Variants in DAG1 observed in about 807,000 individuals in gnomAD.
The protein encoded by DAG1 is dystroglycan 1.
A neutral mutation model predicts 46.1 loss-of-function variants in DAG1; 8 were observed. That is an observed-to-expected ratio of 0.17 (90% CI 0.10 to 0.31). The LOEUF is 0.31. Among genes scored for constraint, DAG1 ranks in the 10% least tolerant of loss-of-function variants. DAG1 has a pLI of 1.00. For synonymous variants in DAG1, 495 were observed against 481.8 expected (o/e 1.03, Z -0.36); for missense variants, 1,003 against 1,189.9 (o/e 0.84, Z 2.31).
At chr3:49,520,493 G>C (rs569799888) in intron 2 of DAG1, among the ~76,000 whole-genome samples, 2 of 152,226 alleles carry the variant, frequency 1.3e-5, no homozygotes, top group Non-Finnish European at 1.5e-5. Flanking sequence ...CTAGGGATGA[G>C]GGAGCTGAAA....
At chr3:49,480,557 A>T (rs555223260) in intron 1 of DAG1, among the ~76,000 whole-genome samples, 4,970 of 118,394 alleles carry the variant, frequency 0.042, 264 homozygotes, top group Non-Finnish European at 0.074. Context: ...CCTCCCAAAG[A>T]GCTGGGATTA....
chr3:49,499,039 A>G (rs2107494663), intron 1 of DAG1, among the ~76,000 whole-genome samples: 1 of 152,314 alleles, frequency 6.6e-6, no homozygotes, highest in South Asian at 2.1e-4. Flanking sequence ...GACTGTGGCA[A>G]ATGATAGCAA....
intron 1 of DAG1, among the ~76,000 whole-genome samples, chr3:49,483,553 G>A (rs538432996): frequency 3.3e-5 from 5 of 152,118 alleles, no homozygotes; most frequent in Middle Eastern, 6.8e-3. Context: ...ATACGTTGCC[G>A]TCTAGGATTT....
intron 1 of DAG1, among the ~76,000 whole-genome samples, chr3:49,499,428 A>AAT (rs988464039): frequency 1.1e-4 from 16 of 152,262 alleles, no homozygotes; most frequent in Admixed American, 2.0e-4. Flanking sequence ...GGTACTTAAA[A>AAT]ATATATATAT....
In DAG1 at chr3:49,531,598, C is replaced by T. The variant is rs758190062; in HGVS notation, c.1087C>T (p.Pro363Ser). Residue 363 changes from proline (P) to serine (S), a missense_variant, in exon 3 of 3, where the codon CCT becomes TCT. Transcript: ENST00000308775. This position sits in a 1 kb window ranked among gnomAD's most constrained non-coding sequence, Gnocchi z 7.0. The part of the protein sequence containing the change: ...TMAPPVRDPV[P>S]GKPTVTIRTR... ...GGCTCCTCCAGTCAGGGATCCTGTT[C>T]CTGGGAAACCCACGGTCACCATCCG... The T allele has an allele frequency of 6.2e-7, 1 of 1,613,110 alleles. No homozygotes were observed. Among genetic ancestry groups the T allele is most frequent in the African/African-American group, 1.3e-5 (1 of 74,988 alleles).
At chr3:49,529,437 C>G (rs2051282995) in intron 2 of DAG1, among the ~76,000 whole-genome samples, 1 of 152,194 alleles carries the variant, frequency 6.6e-6, no homozygotes, top group African/African-American at 2.4e-5. Context: ...CACCTGGGTA[C>G]AAGCCTGGGG....
At chr3:49,486,465 G>A (rs1370272201) in intron 1 of DAG1, among the ~76,000 whole-genome samples, 1 of 151,332 alleles carries the variant, frequency 6.6e-6, no homozygotes, top group Non-Finnish European at 1.5e-5. Flanking sequence ...TGATCCTCCT[G>A]CCTCAGTATC....
At chr3:49,491,569 C>T (rs1484259852) in intron 1 of DAG1, among the ~76,000 whole-genome samples, 9 of 150,940 alleles carry the variant, frequency 6.0e-5, no homozygotes, top group Admixed American at 1.3e-4. Flanking sequence ...CTCTGCCTCC[C>T]GGGTTCACGC....
chr3:49,486,185 CTTTTATTTATTT>C (rs1048091393), intron 1 of DAG1, among the ~76,000 whole-genome samples: 1 of 141,478 alleles, frequency 7.1e-6, no homozygotes, highest in African/African-American at 2.7e-5. Flanking sequence ...TTTTCTTTTT[CTTTTATTTATTT>C]ATTTATTTAT....
At chr3:49,520,966 C>T (rs1189921981) in intron 2 of DAG1, among the ~76,000 whole-genome samples, 2 of 151,986 alleles carry the variant, frequency 1.3e-5, no homozygotes, top group African/African-American at 4.8e-5. Context: ...CTAGAGAGAG[C>T]CTAATTCTTC....
intron 1 of DAG1, among the ~76,000 whole-genome samples, chr3:49,507,874 A>G (rs1475732078): frequency 1.3e-5 from 2 of 151,970 alleles, no homozygotes; most frequent in Non-Finnish European, 2.9e-5. Flanking sequence ...ATTATATCAT[A>G]TTGGATGAGT....
chr3:49,478,228 C>G (rs867823317), intron 1 of DAG1, among the ~76,000 whole-genome samples: 5 of 142,238 alleles, frequency 3.5e-5, no homozygotes, highest in Non-Finnish European at 7.5e-5. Context: ...GAGCCGAGAT[C>G]GTGCTGTTGC....
intron 1 of DAG1, among the ~76,000 whole-genome samples, chr3:49,506,903 A>C (rs191294558): frequency 6.6e-6 from 1 of 151,916 alleles, no homozygotes; most frequent in Admixed American, 6.6e-5. Context: ...GCTTGAGCCC[A>C]GGAGTTCAAA....
chr3:49,521,092 G>A (rs1390820564), intron 2 of DAG1, among the ~76,000 whole-genome samples: 1 of 151,946 alleles, frequency 6.6e-6, no homozygotes, highest in East Asian at 1.9e-4. Flanking sequence ...GGTGTGGAAT[G>A]GTACTGGCTT....
intron 2 of DAG1, 21 bp from the exon 3 acceptor site, chr3:49,530,776 T>A: frequency 6.2e-7 from 1 of 1,614,180 alleles, no homozygotes; most frequent in Non-Finnish European, 8.5e-7. Context: ...TATTTTTAAT[T>A]TATGCTTGTG....
intron 2 of DAG1, among the ~76,000 whole-genome samples, chr3:49,515,792 A>G (rs1199016586): frequency 6.6e-6 from 1 of 152,046 alleles, no homozygotes; most frequent in African/African-American, 2.4e-5. Flanking sequence ...CCTTCATCCA[A>G]GCTACTGCTT....
At chr3:49,478,529 T>TG (rs1023316718) in intron 1 of DAG1, among the ~76,000 whole-genome samples, 1 of 120,928 alleles carries the variant, frequency 8.3e-6, no homozygotes, top group African/African-American at 2.9e-5. Context: ...GCCCAAGAGT[T>TG]TTTTTTTTTT....
chr3:49,514,612 A>G (rs889618844), intron 2 of DAG1, among the ~76,000 whole-genome samples: 5 of 152,020 alleles, frequency 3.3e-5, no homozygotes, highest in Admixed American at 6.6e-5. Flanking sequence ...CTGGGACTAC[A>G]GGCATGCGCT....
chr3:49,497,700 T>C (rs777569289), intron 1 of DAG1, among the ~76,000 whole-genome samples: 13 of 152,222 alleles, frequency 8.5e-5, no homozygotes, highest in African/African-American at 2.9e-4. Flanking sequence ...AAGTCAAGTA[T>C]ACTGTTCGGT....
Sources: gnomAD v4.1 joint callset for allele counts (sites outside exome capture counted in the v4.1 genomes callset) on GRCh38, gnomAD v4.1.1 for gene constraint, Gnocchi (gnomAD v3.1) non-coding constraint, MANE v1.5 for transcripts, NCBI Gene and HGNC (gene_info 2026-07-23, HGNC 2026-07-21) for gene names.